USP49: variants seen among roughly 807,000 people sequenced by gnomAD.
The protein encoded by USP49 is ubiquitin specific peptidase 49.
Under a neutral mutation model 58.6 loss-of-function variants are expected in USP49, and 24 were observed. That is an observed-to-expected ratio of 0.41 (90% CI 0.30 to 0.58). The LOEUF is 0.58. Among genes scored for constraint, USP49 ranks in the 20% least tolerant of loss-of-function variants. The pLI is 0.30. For missense variants in USP49, 703 were observed against 866.1 expected (o/e 0.81, Z 2.36); for synonymous variants, 408 against 365.1 (o/e 1.12, Z -1.34).
intron 2 of USP49, among the ~76,000 whole-genome samples, chr6:41,890,378 C>A (rs1479547644): frequency 7.1e-4 from 96 of 135,564 alleles, no homozygotes; most frequent in Non-Finnish European, 5.9e-4. Context: ...TACTCCAACT[C>A]AAAAAAAAAA....
At chr6:41,884,608 CTA>C (rs1256301191) in intron 2 of USP49, among the ~76,000 whole-genome samples, 1 of 152,190 alleles carries the variant, frequency 6.6e-6, no homozygotes, top group African/African-American at 2.4e-5. Flanking sequence ...TACACCAAAG[CTA>C]TACTGTAACC....
At chr6:41,827,566 AG>A (rs1166875160) in intron 3 of USP49, among the ~76,000 whole-genome samples, 1 of 151,014 alleles carries the variant, frequency 6.6e-6, no homozygotes, top group Non-Finnish European at 1.5e-5. Context: ...AGGCTGAGGT[AG>A]GAGAATTGCT....
At chr6:41,868,304 A>C (rs1255752343) in intron 3 of USP49, among the ~76,000 whole-genome samples, 1 of 152,146 alleles carries the variant, frequency 6.6e-6, no homozygotes, top group Admixed American at 6.5e-5. Flanking sequence ...GTAAATGTTA[A>C]CTTCTGTATT....
intron 3 of USP49, among the ~76,000 whole-genome samples, chr6:41,855,673 TTTA>T (rs1774115542): frequency 6.6e-6 from 1 of 152,202 alleles, no homozygotes; most frequent in African/African-American, 2.4e-5. Flanking sequence ...ATGCTATAGG[TTTA>T]TTATTTAAAG....
chr6:41,812,416 CG>C (rs1421146321), intron 3 of USP49, among the ~76,000 whole-genome samples: 1 of 160 alleles, frequency 6.3e-3, no homozygotes, highest in African/African-American at 0.033. Flanking sequence ...TAGTACAGGC[CG>C]GGCGCAGTGC....
chr6:41,805,591 T>C (rs756989462), intron 4 of USP49, 37 bp downstream of exon 4: 3 of 1,581,232 alleles, frequency 1.9e-6, no homozygotes, highest in Non-Finnish European at 2.6e-6. Flanking sequence ...CAAGCTAACA[T>C]ACAAGCCTCT....
chr6:41,805,118 G>C (rs577348430), intron 4 of USP49, among the ~76,000 whole-genome samples: 2 of 152,158 alleles, frequency 1.3e-5, no homozygotes, highest in Non-Finnish European at 2.9e-5. Flanking sequence ...AAGCATTTTT[G>C]CTTAGGTTAC....
intron 3 of USP49, among the ~76,000 whole-genome samples, chr6:41,843,190 T>C (rs930936226): frequency 6.6e-6 from 1 of 152,228 alleles, no homozygotes; most frequent in African/African-American, 2.4e-5. Context: ...TGTGTCTTCT[T>C]ATCCTACCAT....
At chr6:41,878,800 TTGCTCAG>T (rs1444011184) in intron 2 of USP49, among the ~76,000 whole-genome samples, 2 of 152,164 alleles carry the variant, frequency 1.3e-5, no homozygotes, top group Admixed American at 1.3e-4. Flanking sequence ...TCATGTACAC[TTGCTCAG>T]TTAATTCTCA....
intron 7 of USP49, 93 bp from the exon 8 acceptor site, chr6:41,796,816 AAGTTC>A: frequency 3.0e-6 from 2 of 662,494 alleles, no homozygotes; most frequent in Middle Eastern, 2.6e-4. Flanking sequence ...AGGGACAGAG[AAGTTC>A]TGAATAGAGC....
At position 41,796,808 on chromosome 6, in the gene USP49, G is replaced by T. The variant is rs1029260433; in HGVS notation, c.1877-85C>A. On this transcript the variant is annotated intron_variant, in intron 7 of 7. Transcript: ENST00000682992. The stretch of plus-strand genomic sequence containing the variant: ...AGGCAAAATCAGGAGATGAAGAAAG[G>T]GACAGAGAAGTTCTGAATAGAGCCA... 9 of 669,050 alleles carry T rather than the reference G, an allele frequency of 1.3e-5. No homozygotes were observed. In the African/African-American group the frequency reaches 1.6e-4, roughly 12 times the overall value. The allele number at this position is 669,050 out of a possible 1,614,324, so 41.4% of individuals were successfully genotyped here.
At chr6:41,878,863 G>A (rs753351343) in intron 2 of USP49, among the ~76,000 whole-genome samples, 2 of 152,122 alleles carry the variant, frequency 1.3e-5, no homozygotes, top group African/African-American at 4.8e-5. Context: ...AAGCACAGAG[G>A]GCCCAATTTC....
At chr6:41,844,903 T>C (rs1380783981) in intron 3 of USP49, among the ~76,000 whole-genome samples, 73 of 152,178 alleles carry the variant, frequency 4.8e-4, no homozygotes, top group Non-Finnish European at 2.2e-4. Flanking sequence ...TTTGTTTTGG[T>C]TTTGTTTTGT....
chr6:41,802,479 A>ATTTTATTTT (rs1773036737), intron 5 of USP49, among the ~76,000 whole-genome samples: 3 of 79,776 alleles, frequency 3.8e-5, no homozygotes, highest in African/African-American at 1.5e-4. Context: ...TTTTTTATTT[A>ATTTTATTTT]TTTTTTTTTT....
chr6:41,815,032 T>A (rs1166233350), intron 3 of USP49, among the ~76,000 whole-genome samples: 3 of 152,212 alleles, frequency 2.0e-5, no homozygotes, highest in Non-Finnish European at 4.4e-5. Context: ...AATTTCATTT[T>A]CTGCCAGCAT....
rs115260442 is a variant in USP49 at position 41,796,414 on chromosome 6, A to G, written c.*119T>C. On this transcript the variant is annotated 3_prime_UTR_variant, in exon 8 of 8. Transcript: ENST00000682992. ...GGACACGAATCACCTGGCACCTTCT[A>G]CTCTAGACCCAGCAAGGCAAACCTA... 3,869 of 612,586 alleles carry G rather than the reference A, an allele frequency of 6.3e-3. 24 individuals carry two copies. The highest frequency in any genetic ancestry group is 8.5e-3 in the Non-Finnish European group (2,871 of 336,176). The allele number at this position is 612,586 out of a possible 1,614,324, so 37.9% of individuals were successfully genotyped here.
At chr6:41,812,449 T>C (rs992667276) in intron 3 of USP49, among the ~76,000 whole-genome samples, 3 of 150,624 alleles carry the variant, frequency 2.0e-5, no homozygotes, top group Non-Finnish European at 4.4e-5. Flanking sequence ...ATCGCAGCAC[T>C]TTGGGAGGCC....
At position 41,890,456 on chromosome 6, in the gene USP49, T is replaced by C. The variant is rs192322385; in HGVS notation, c.-103+1338A>G. ...GGCCAGGCGCGGTGGCTCACATCTG[T>C]AATACCAGCACTTCGGGAGGTTAAG... On this transcript the variant is annotated intron_variant, in intron 2 of 7. Transcript: ENST00000682992. 6.0e-3 allele frequency among the ~76,000 whole-genome samples: 908 copies of C among 151,598 alleles called. 5 individuals carry two copies. The highest frequency in any genetic ancestry group is 0.02 in the African/African-American group (821 of 41,292).
chr6:41,874,196 T>C (rs563174280), intron 2 of USP49: 1 of 152,316 alleles, frequency 6.6e-6, no homozygotes, highest in Admixed American at 6.5e-5. Context: ...TTACAAGACC[T>C]TCCTTAACTT....
Sources: gnomAD v4.1 joint callset for allele counts (sites outside exome capture counted in the v4.1 genomes callset) on GRCh38, gnomAD v4.1.1 for gene constraint, MANE v1.5 for transcripts, NCBI Gene and HGNC (gene_info 2026-07-23, HGNC 2026-07-21) for gene names.